The following RPTN variants were observed in gnomAD, a reference collection of about 807,000 sequenced individuals.
RPTN encodes intermediate filament-associated protein.
In RPTN, 4 loss-of-function variants were observed where a neutral mutation model predicts 3.6. The observed-to-expected ratio is 1.12, with a 90% CI of 0.55 to 2.55. The LOEUF is 2.55. Among genes scored for constraint, RPTN ranks in the 30% most tolerant of loss-of-function variants. The probability of loss-of-function intolerance (pLI) is 0.02; values close to 1 mark genes in which losing one functional copy is unlikely to be tolerated. For missense variants in RPTN, 860 were observed against 916.7 expected, an observed-to-expected ratio of 0.94 and a Z score of 0.80; for synonymous variants, 293 against 319.3, an observed-to-expected ratio of 0.92 and a Z score of 0.88.
rs765673381 is a variant in RPTN at position 152,154,886 on chromosome 1, T to G, written c.2213A>C (p.Gln738Pro). ...TQDRRTHKDE[Q>P]NHQRRDRQTH... ...TTGTCTGTCTCGTCTCTGATGGTTCTGCTCATCTTTATGGGTTCGCCTGTC... is the reference window on the plus strand; with the variant it reads ...TTGTCTGTCTCGTCTCTGATGGTTCGGCTCATCTTTATGGGTTCGCCTGTC... The change falls in exon 3 of 3, where the codon CAG (glutamine) becomes CCG (proline). Residue 738 changes from glutamine to proline, a missense_variant. Gln to Pro is a moderately conservative substitution (Grantham distance 76, BLOSUM62 -1). Transcript: ENST00000316073. 1.9e-6 allele frequency: 3 copies of G among 1,614,048 alleles called. No homozygotes were observed. The African/African-American group carries it at 4.0e-5, about 22-fold the overall frequency.
chr1:152,154,974 G>A lies in RPTN; in HGVS notation c.2125C>T (p.Gln709Ter), dbSNP rs762437026. 11 of 1,613,838 alleles carry A rather than the reference G, an allele frequency of 6.8e-6. No individual in the cohort carries two copies. The highest frequency in any genetic ancestry group is 2.2e-5 in the South Asian group (2 of 91,070). ...TGTCTATCCCAAGTTTGATGGCCCT[G>A]CTCTTCCTCTGCCCAGTGGCTCAGC... ...EGLSHWAEEE[Q>*]GHQTWDRHSH... The change falls in exon 3 of 3, where the codon CAG becomes TAG. Residue 709 changes from glutamine (Q) to a stop codon, truncating the protein, a stop_gained. Coordinates refer to ENST00000316073, the MANE Select transcript of RPTN (RefSeq NM_001122965.1). LOFTEE classifies it low-confidence loss of function (END_TRUNC).
rs778811948 is a variant in RPTN at position 152,156,724 on chromosome 1, G to C, written c.375C>G (p.His125Gln). Reference protein sequence around the residue: ...GNTGRQHRQRHEEERQNSHHS... With the variant: ...GNTGRQHRQRQEEERQNSHHS... The stretch of plus-strand genomic sequence containing the variant: ...GGTGGGAGTTCTGCCTTTCTTCCTC[G>C]TGCCTCTGTCTGTGTTGTCTGCCTG... The change falls in exon 3 of 3, where the codon CAC becomes CAG. Residue 125 changes from histidine (H) to glutamine (Q), a missense_variant. Transcript: ENST00000316073. The C allele has an allele frequency of 1.2e-6, 2 of 1,613,964 alleles. No homozygotes were observed. Among genetic ancestry groups the C allele is most frequent in the African/African-American group, 1.3e-5 (1 of 74,872 alleles).
rs897749615 is a variant in RPTN at position 152,154,481 on chromosome 1, C to G, written c.*263G>C. On this transcript the variant is annotated 3_prime_UTR_variant, in exon 3 of 3. Coordinates refer to ENST00000316073, the MANE Select transcript of RPTN (RefSeq NM_001122965.1). Reference sequence around the variant, plus strand: ...ATAGGGGGGGTTGGGAACAGTAGCTCCCTTGGCAGGGTGACCACGCTGTTC... The same window carrying G: ...ATAGGGGGGGTTGGGAACAGTAGCTGCCTTGGCAGGGTGACCACGCTGTTC... 2 of 568,504 alleles carry G rather than the reference C, an allele frequency of 3.5e-6. No homozygotes were observed. Among genetic ancestry groups the G allele is most frequent in the Non-Finnish European group, 6.2e-6 (2 of 323,202 alleles). The allele number at this position is 568,504 out of a possible 1,614,324, so 35.2% of individuals were successfully genotyped here.
intron 1 of RPTN, among the ~76,000 whole-genome samples, chr1:152,158,905 A>G (rs1659254353): frequency 6.6e-6 from 1 of 152,182 alleles, no homozygotes; most frequent in Non-Finnish European, 1.5e-5. Context: ...CAAAAAGTAA[A>G]TGCTCCACTA....
At position 152,156,883 on chromosome 1, in the gene RPTN, A is replaced by T; in HGVS notation, c.216T>A (p.His72Gln). The T allele has an allele frequency of 1.2e-6, 2 of 1,614,234 alleles. No homozygotes were observed. Among genetic ancestry groups the T allele is most frequent in the East Asian group, 2.2e-5 (1 of 44,890 alleles). ...ACTGGAACACCAACAAGAGGTACTC[A>T]TGAAAATCAATATGTCCATCTCGGT... ...DQDRDGHIDF[H>Q]EYLLLVFQLV... The change falls in exon 3 of 3, where the codon CAT becomes CAA. Residue 72 changes from histidine (H) to glutamine (Q), a missense_variant. Physicochemically the swap from His to Gln is conservative, Grantham distance 24 (BLOSUM62 0). Transcript: ENST00000316073.
intron 1 of RPTN, among the ~76,000 whole-genome samples, chr1:152,158,624 G>A (rs79144663): frequency 0.018 from 2,744 of 152,274 alleles, 39 homozygotes; most frequent in Middle Eastern, 0.044. Context: ...GGTCTTTTGG[G>A]ATCTAAATCT....
Position 152,156,229 on chromosome 1 carries a change from G to A in RPTN, c.870C>T (p.Gly290=), listed in dbSNP as rs1659202336. The change falls in exon 3 of 3, where the codon GGC becomes GGT. Residue 290 remains glycine, a synonymous_variant. Coordinates refer to ENST00000316073, the MANE Select transcript of RPTN (RefSeq NM_001122965.1). The part of the protein sequence containing the change: ...ELGCGQTDRQ[G]QSSHYGQTDR... ...CCGTCTGACCGTAGTGGGAACTCTG[G>A]CCTTGTCTGTCTGTCTGACCACAGC... 9 of 1,614,044 alleles carry A rather than the reference G, an allele frequency of 5.6e-6. No individual in the cohort carries two copies. The highest frequency in any genetic ancestry group is 6.8e-6 in the Non-Finnish European group (8 of 1,180,000).
Position 152,155,354 on chromosome 1 carries a change from T to C in RPTN, c.1745A>G (p.His582Arg), listed in dbSNP as rs573833314. 1.1e-5 allele frequency: 18 copies of C among 1,614,192 alleles called. No individual in the cohort carries two copies. In the East Asian group the frequency reaches 3.6e-4, roughly 32 times the overall value. The change falls in exon 3 of 3, where the codon CAC (histidine) becomes CGC (arginine). Residue 582 changes from histidine to arginine, a missense_variant. Coordinates refer to ENST00000316073, the MANE Select transcript of RPTN (RefSeq NM_001122965.1). ...GQTDRQGQSS[H>R]YIQSQTGEIQ... The stretch of plus-strand genomic sequence containing the variant: ...TTCCCCAGTCTGTGATTGAATATAG[T>C]GGGAACTCTGGCCTTGTCTGTCTGT...
rs767865532 is a variant in RPTN, at chr1:152,154,975, C to G, written c.2124G>C (p.Glu708Asp). Residue 708 changes from glutamate (E) to aspartate (D), a missense_variant, in exon 3 of 3, where the codon GAG becomes GAC. By Grantham distance (45) the Glu-to-Asp change is conservative. Transcript: ENST00000316073. ...GEGLSHWAEE[E>D]QGHQTWDRHS... ...GTCTATCCCAAGTTTGATGGCCCTG[C>G]TCTTCCTCTGCCCAGTGGCTCAGCC... 10 of 1,613,882 alleles carry G rather than the reference C, an allele frequency of 6.2e-6. No individual in the cohort carries two copies. The South Asian group carries it at 1.1e-4, about 18-fold the overall frequency.
chr1:152,157,935 T>G, intron 1 of RPTN, 26 bp from the exon 2 acceptor site: 1 of 1,605,434 alleles, frequency 6.2e-7, no homozygotes. Flanking sequence ...AGATTTCTCC[T>G]GCCGTTAGGA....
intron 1 of RPTN, among the ~76,000 whole-genome samples, chr1:152,158,785 A>G (rs1253309250): frequency 1.3e-5 from 2 of 152,220 alleles, no homozygotes; most frequent in Admixed American, 6.5e-5. Flanking sequence ...AATGGATCAC[A>G]TGGGACAAGC....
Position 152,156,410 on chromosome 1 carries a change from C to G in RPTN, c.689G>C (p.Arg230Pro), listed in dbSNP as rs202103255. ...KWQGHIFALN[R>P]CEKPIQDSHY... is the part of the protein sequence containing the mutation. ...AGAATCCTGAATTGGTTTTTCACAC[C>G]GATTTAAGGCAAAGATATGTCCCTG... Residue 230 changes from arginine to proline, a missense_variant, in exon 3 of 3, where the codon CGG becomes CCG. Physicochemically the swap from Arg to Pro is moderately radical, Grantham distance 103. Coordinates refer to ENST00000316073, the MANE Select transcript of RPTN (RefSeq NM_001122965.1). 4 of 1,614,154 alleles carry G rather than the reference C, an allele frequency of 2.5e-6. No individual in the cohort carries two copies. Among genetic ancestry groups the G allele is most frequent in the Non-Finnish European group, 3.4e-6 (4 of 1,180,034 alleles).
intron 1 of RPTN, among the ~76,000 whole-genome samples, chr1:152,158,321 G>C (rs1175596382): frequency 6.6e-6 from 1 of 152,066 alleles, no homozygotes; most frequent in Non-Finnish European, 1.5e-5. Flanking sequence ...AAACTGGAGG[G>C]GGCACTAAAT....
At position 152,155,800 on chromosome 1, in the gene RPTN, TTGTC is replaced by T. The variant is rs752442611; in HGVS notation, c.1295_1298del (p.Arg432LysfsTer58). Reference sequence around the variant, plus strand: ...GCTGACCATAGTGGGAACTCTGGCCTTGTCTGTCTGTCTGACCGTAGTGAGAACC... The same window carrying T: ...GCTGACCATAGTGGGAACTCTGGCCTTGTCTGTCTGACCGTAGTGAGAACC... On this transcript the variant is annotated frameshift_variant, in exon 3 of 3. Coordinates refer to ENST00000316073, the MANE Select transcript of RPTN (RefSeq NM_001122965.1). LOFTEE classifies it low-confidence loss of function (END_TRUNC). 4.3e-6 allele frequency: 7 copies of T among 1,610,650 alleles called. No homozygotes were observed. The South Asian group carries it at 5.5e-5, about 13-fold the overall frequency.
Position 152,155,733 on chromosome 1 carries a change from T to C in RPTN, c.1366A>G (p.Arg456Gly). The C allele has an allele frequency of 6.3e-7, 1 of 1,598,734 alleles. No homozygotes were observed. ...CCATAGTGGGAACTCTGGCCTTGTCTGTCTGTCTGACCATAGTGGGAATTC... is the reference window on the plus strand; with the variant it reads ...CCATAGTGGGAACTCTGGCCTTGTCCGTCTGTCTGACCATAGTGGGAATTC... ...GQNSHYGQTD[R>G]QGQSSHYGQT... The change falls in exon 3 of 3, where the codon AGA becomes GGA. Residue 456 changes from arginine to glycine, a missense_variant. By Grantham distance (125) the Arg-to-Gly change is moderately radical. Coordinates refer to ENST00000316073, the MANE Select transcript of RPTN (RefSeq NM_001122965.1).
chr1:152,155,559 T>C lies in RPTN; in HGVS notation c.1540A>G (p.Thr514Ala). The change falls in exon 3 of 3, where the codon ACA becomes GCA. Residue 514 changes from threonine to alanine, a missense_variant. Physicochemically the swap from Thr to Ala is moderately conservative, Grantham distance 58 (BLOSUM62 0). Coordinates refer to ENST00000316073, the MANE Select transcript of RPTN (RefSeq NM_001122965.1). Reference protein sequence around the residue: ...GQGQSSHYGQTDRQGQSFHYG... With the variant: ...GQGQSSHYGQADRQGQSFHYG... ...TGGAAACTCTGGCCTTGTCTGTCTGTCTGACCATAGTGGGAACTTTGGCCT... is the reference window on the plus strand; with the variant it reads ...TGGAAACTCTGGCCTTGTCTGTCTGCCTGACCATAGTGGGAACTTTGGCCT... 6.2e-7 allele frequency: 1 copy of C among 1,603,990 alleles called. No individual in the cohort carries two copies. The highest frequency in any genetic ancestry group is 8.5e-7 in the Non-Finnish European group (1 of 1,172,910).
At position 152,156,316 on chromosome 1, in the gene RPTN, C is replaced by T. The variant is rs371139415; in HGVS notation, c.783G>A (p.Gln261=). 3.7e-6 allele frequency: 6 copies of T among 1,614,134 alleles called. No homozygotes were observed. The highest frequency in any genetic ancestry group is 1.3e-5 in the African/African-American group (1 of 74,938). ...ETLGQASHFN[Q]TNQQKSGSYC... ...AAGAGCCTGATTTCTGTTGATTTGT[C>T]TGGTTAAAGTGAGAGGCTTGTCCAA... The change falls in exon 3 of 3, where the codon CAG becomes CAA. Residue 261 remains glutamine (Q), a synonymous_variant. Transcript: ENST00000316073.
Position 152,155,085 on chromosome 1 carries a change from G to A in RPTN, c.2014C>T (p.Leu672Phe). Residue 672 changes from leucine (L) to phenylalanine (F), a missense_variant, in exon 3 of 3, where the codon CTT becomes TTT. Physicochemically the swap from Leu to Phe is conservative, Grantham distance 22. Transcript: ENST00000316073. ...TGCCAGTCTCTCCCTTTGTGACAAA[G>A]TGGTCTTTCTTGTTGGATTTGTGCT... ...LLAQIQQERP[L>F]CHKGRDWQSC... The A allele has an allele frequency of 6.2e-7, 1 of 1,614,156 alleles. No homozygotes were observed. The highest frequency in any genetic ancestry group is 1.1e-5 in the South Asian group (1 of 91,090).
Position 152,157,864 on chromosome 1 carries a change from A to T in RPTN, c.26T>A (p.Leu9His). 1 of 1,613,894 alleles carries T rather than the reference A, an allele frequency of 6.2e-7. No individual in the cohort carries two copies. Among genetic ancestry groups the T allele is most frequent in the Non-Finnish European group, 8.5e-7 (1 of 1,179,848 alleles). The change falls in exon 2 of 3, where the codon CTC becomes CAC. Residue 9 changes from leucine (L) to histidine (H), a missense_variant. By Grantham distance (99) the Leu-to-His change is moderately conservative. Transcript: ENST00000316073. Reference sequence around the variant, plus strand: ...TTTGTGGAATACGTCAATCACACTGAGTATGCTATTCAGGAGTTGAGCCAT... The same window carrying T: ...TTTGTGGAATACGTCAATCACACTGTGTATGCTATTCAGGAGTTGAGCCAT... MAQLLNSI[L>H]SVIDVFHKYA...
Sources: gnomAD v4.1 joint callset for allele counts (sites outside exome capture counted in the v4.1 genomes callset) on GRCh38, gnomAD v4.1.1 for gene constraint, MANE v1.5 for transcripts, NCBI Gene and HGNC (gene_info 2026-07-23, HGNC 2026-07-21) for gene names.